The following TP53BP1 variants were observed in gnomAD, a reference collection of about 807,000 sequenced individuals.
TP53BP1 encodes the protein TP53-binding protein 1.
A neutral mutation model predicts 200.8 loss-of-function variants in TP53BP1; 61 were observed. The observed-to-expected ratio is 0.30, with a 90% CI of 0.25 to 0.38. The LOEUF (loss-of-function observed/expected upper bound fraction) is 0.38. Among genes scored for constraint, TP53BP1 ranks in the 10% least tolerant of loss-of-function variants. The pLI is 1.00. For synonymous variants in TP53BP1, 822 were observed against 844.3 expected, an observed-to-expected ratio of 0.97 and a Z score of 0.46; for missense variants, 2,144 against 2,371.9, an observed-to-expected ratio of 0.90 and a Z score of 2.00.
At position 43,406,380 on chromosome 15, in the gene TP53BP1, T is replaced by C. The variant is rs2044878551; in HGVS notation, c.*1003A>G. On this transcript the variant is annotated 3_prime_UTR_variant, in exon 28 of 28. Transcript: ENST00000382044. ...AGCTCTGACAACTTATTCCCTGCTA[T>C]TATCAACTAAAGATCACCCTTTCTA... 1 of 321,926 alleles carries C rather than the reference T, an allele frequency of 3.1e-6. No individual in the cohort carries two copies. The highest frequency in any genetic ancestry group is 4.0e-5 in the Admixed American group (1 of 24,960). 19.9% of individuals were successfully genotyped at this position (321,926 alleles called of 1,614,324 possible).
At chr15:43,439,837 C>T (rs1190463390) in intron 15 of TP53BP1, among the ~76,000 whole-genome samples, 1 of 152,154 alleles carries the variant, frequency 6.6e-6, no homozygotes, top group Admixed American at 6.5e-5. Context: ...TCTGAATATG[C>T]ACAAGTACAG....
At chr15:43,411,892 TC>T (rs1487066747) in intron 24 of TP53BP1, among the ~76,000 whole-genome samples, 3 of 152,106 alleles carry the variant, frequency 2.0e-5, no homozygotes, top group African/African-American at 7.2e-5. Flanking sequence ...CCTTGTGAAG[TC>T]CTGGTTTCAA....
At chr15:43,457,878 G>A (rs1002277772) in intron 11 of TP53BP1, among the ~76,000 whole-genome samples, 21 of 151,660 alleles carry the variant, frequency 1.4e-4, no homozygotes, top group Admixed American at 2.6e-4. Context: ...AATTAGCCGG[G>A]TGGGGTGGTG....
intron 1 of TP53BP1, 78 bp downstream of exon 1, chr15:43,492,959 C>T (rs2079149556): frequency 6.3e-7 from 1 of 1,592,894 alleles, no homozygotes; most frequent in African/African-American, 1.3e-5. Flanking sequence ...ACCCCGCCCC[C>T]TCCGGTCAGC....
intron 15 of TP53BP1, chr15:43,441,248 T>C (rs1232793460): frequency 3.3e-6 from 1 of 305,728 alleles, no homozygotes; most frequent in Non-Finnish European, 6.0e-6. Context: ...TGGAGACTCT[T>C]GTATCAGCAA....
rs768636864 is a variant in TP53BP1 at position 43,415,650 on chromosome 15, G to C, written c.5033C>G (p.Ser1678Cys). Residue 1678 changes from serine (S) to cysteine (C), a missense_variant, in exon 23 of 28, where the codon TCT becomes TGT. By Grantham distance (112) the Ser-to-Cys change is moderately radical (BLOSUM62 -1). Coordinates refer to ENST00000382044, the MANE Select transcript of TP53BP1 (RefSeq NM_001141980.3). ...VLSGKRKLIT[S>C]EEERSPAKRG... ...CTTGGCAGGGGACCGTTCCTCTTCA[G>C]AAGTGATAAGTTTTCTTTTGCCTGA... The C allele has an allele frequency of 1.9e-6, 3 of 1,614,106 alleles. No individual in the cohort carries two copies. In the Admixed American group the frequency reaches 5.0e-5, roughly 27 times the overall value.
intron 18 of TP53BP1, among the ~76,000 whole-genome samples, chr15:43,424,896 G>A (rs1341378529): frequency 2.0e-5 from 3 of 152,186 alleles, no homozygotes; most frequent in Non-Finnish European, 2.9e-5. Flanking sequence ...GAGTCATAAG[G>A]GCTCTGCCCT....
upstream of TP53BP1, among the ~76,000 whole-genome samples, chr15:43,496,747 C>T (rs964595523): frequency 6.6e-6 from 1 of 151,948 alleles, no homozygotes; most frequent in African/African-American, 2.4e-5. Flanking sequence ...CCTCAGCCTC[C>T]TGAGTAGCTA....
At chr15:43,477,780 G>T (rs367575677) in intron 7 of TP53BP1, 21 bp from the exon 8 acceptor site, 69 of 1,495,924 alleles carry the variant, frequency 4.6e-5, no homozygotes, top group Admixed American at 1.7e-4. Flanking sequence ...CATATCACCA[G>T]GAGAAAAAGT....
At chr15:43,485,056 C>A (rs984350230) in intron 4 of TP53BP1, among the ~76,000 whole-genome samples, 4 of 152,264 alleles carry the variant, frequency 2.6e-5, no homozygotes, top group East Asian at 3.9e-4. Context: ...TCCCTAGACA[C>A]CCTATGTAAA....
chr15:43,470,498 T>C (rs1046370745), intron 10 of TP53BP1, among the ~76,000 whole-genome samples: 2 of 152,226 alleles, frequency 1.3e-5, no homozygotes, highest in Non-Finnish European at 2.9e-5. Context: ...GTATCTATAA[T>C]TCATATTTAC....
At chr15:43,420,785 A>G in intron 20 of TP53BP1, 50 bp from the exon 21 acceptor site, 1 of 1,512,546 alleles carries the variant, frequency 6.6e-7, no homozygotes, top group Non-Finnish European at 8.9e-7. Context: ...AGAACACAGA[A>G]GTATATATCT....
At chr15:43,450,906 G>A (rs188797235) in intron 12 of TP53BP1, among the ~76,000 whole-genome samples, 87 of 152,168 alleles carry the variant, frequency 5.7e-4, no homozygotes, top group Admixed American at 3.1e-3. Flanking sequence ...ACAGGGTCTC[G>A]CCCTGTTGCG....
intron 10 of TP53BP1, among the ~76,000 whole-genome samples, chr15:43,474,455 CAAAAAAA>C (rs398043214): frequency 2.5e-5 from 2 of 79,144 alleles, no homozygotes; most frequent in African/African-American, 3.7e-5. Context: ...TGGGGTTAGA[CAAAAAAA>C]AAAAAAAAAA....
At chr15:43,426,074 A>AC (rs1318831685) in intron 18 of TP53BP1, among the ~76,000 whole-genome samples, 1 of 151,904 alleles carries the variant, frequency 6.6e-6, no homozygotes, top group African/African-American at 2.4e-5. Context: ...CAAAAAAAAA[A>AC]AAACAAAAAA....
chr15:43,479,034 G>C (rs1347929332), intron 7 of TP53BP1, among the ~76,000 whole-genome samples: 3 of 152,162 alleles, frequency 2.0e-5, no homozygotes, highest in African/African-American at 7.2e-5. Context: ...AACATAGCGA[G>C]ACTCCATTTC....
At chr15:43,433,845 A>G (rs2045728740) in intron 16 of TP53BP1, among the ~76,000 whole-genome samples, 1 of 152,214 alleles carries the variant, frequency 6.6e-6, no homozygotes, top group South Asian at 2.1e-4. Flanking sequence ...GTATGTGGCC[A>G]GAAAAAGAGT....
chr15:43,413,322 G>A lies in TP53BP1; in HGVS notation c.5102C>T (p.Ala1701Val), dbSNP rs1205747786. 6.2e-7 allele frequency: 1 copy of A among 1,613,848 alleles called. No individual in the cohort carries two copies. The highest frequency in any genetic ancestry group is 8.5e-7 in the Non-Finnish European group (1 of 1,179,890). ...SATVKPGAVGAGEFVSPCESG... is the reference protein window; with the variant it reads ...SATVKPGAVGVGEFVSPCESG... ...CTCACAGGGGCTCACAAACTCTCCT[G>A]CCCCTACTGCACCTGGGAAGGACAG... Residue 1701 changes from alanine (A) to valine (V), a missense_variant, in exon 24 of 28, where the codon GCA becomes GTA. Around this residue, in one of 4 missense-constraint regions of TP53BP1, gnomAD observed 334 missense variants for 453.4 expected, o/e 0.74. Transcript: ENST00000382044.
intron 11 of TP53BP1, among the ~76,000 whole-genome samples, chr15:43,459,401 T>C (rs929794201): frequency 1.3e-5 from 2 of 152,314 alleles, no homozygotes; most frequent in Middle Eastern, 3.4e-3. Context: ...ATTATTCATA[T>C]ATTCACTCAT....
Sources: gnomAD v4.1 joint callset for allele counts (sites outside exome capture counted in the v4.1 genomes callset) on GRCh38, gnomAD v4.1.1 for gene constraint, gnomAD v4.1.1 regional missense constraint, MANE v1.5 for transcripts, NCBI Gene and HGNC (gene_info 2026-07-23, HGNC 2026-07-21) for gene names.